Variants in TMPRSS12 observed in about 807,000 individuals in gnomAD.
The protein encoded by TMPRSS12 is transmembrane protease serine 12.
Under a neutral mutation model 26.0 loss-of-function variants are expected in TMPRSS12, and 25 were observed. That is an observed-to-expected ratio of 0.96 (90% confidence interval 0.70 to 1.34). TMPRSS12 has a LOEUF of 1.34. Among genes scored for constraint, TMPRSS12 ranks in the 40% most tolerant of loss-of-function variants. TMPRSS12 has a pLI of 0.00. For synonymous variants in TMPRSS12, 150 were observed against 161.7 expected (o/e 0.93, Z 0.55); for missense variants, 441 against 440.1 (o/e 1.00, Z -0.02).
intron 2 of TMPRSS12, among the ~76,000 whole-genome samples, chr12:50,847,057 CTTT>C (rs547352999): frequency 1.8e-5 from 2 of 109,920 alleles, no homozygotes; most frequent in Admixed American, 1.1e-4. Flanking sequence ...AGTCTAAAAA[CTTT>C]TTTTTTTTTT....
chr12:50,882,885 A>C (rs912560367), intron 3 of TMPRSS12, among the ~76,000 whole-genome samples: 3 of 152,244 alleles, frequency 2.0e-5, no homozygotes, highest in African/African-American at 7.2e-5. Flanking sequence ...ATACAAAAGG[A>C]AGGAATATAC....
intron 3 of TMPRSS12, among the ~76,000 whole-genome samples, chr12:50,873,711 G>T (rs1026403656): frequency 6.6e-6 from 1 of 152,112 alleles, no homozygotes; most frequent in East Asian, 1.9e-4. Context: ...CTGGGCAAGC[G>T]GATAAGTTTG....
intron 3 of TMPRSS12, among the ~76,000 whole-genome samples, chr12:50,865,068 A>G (rs1230163482): frequency 6.6e-6 from 1 of 152,152 alleles, no homozygotes; most frequent in Non-Finnish European, 1.5e-5. Flanking sequence ...GCGGTGGCCC[A>G]TGCCTGTAAT....
chr12:50,855,814 A>G (rs1296527894), intron 2 of TMPRSS12, among the ~76,000 whole-genome samples: 1 of 152,230 alleles, frequency 6.6e-6, no homozygotes, highest in African/African-American at 2.4e-5. Flanking sequence ...CTAGATGCTC[A>G]TCAATGATGG....
At chr12:50,856,287 C>T (rs1937876906) in intron 2 of TMPRSS12, among the ~76,000 whole-genome samples, 1 of 152,182 alleles carries the variant, frequency 6.6e-6, no homozygotes, top group African/African-American at 2.4e-5. Context: ...GCTCCTGTTC[C>T]CCTTTCCCCT....
intron 3 of TMPRSS12, among the ~76,000 whole-genome samples, chr12:50,870,433 A>G (rs1101403): frequency 0.34 from 51,670 of 151,938 alleles, 9,070 homozygotes; most frequent in Admixed American, 0.42. Flanking sequence ...AGCAAAATCA[A>G]CATACAAGGG....
At position 50,864,899 on chromosome 12, in the gene TMPRSS12, T is replaced by C. The variant is rs1037927878; in HGVS notation, c.652+5846T>C. ...TGGTCTCGATCTCCTGACCTCGTGA[T>C]CCACCCACCTCGGCCTCCTAAAGTG... On this transcript the variant is annotated intron_variant, in intron 3 of 4. Coordinates refer to ENST00000398458, the MANE Select transcript of TMPRSS12 (RefSeq NM_182559.3). 2.6e-5 allele frequency among the ~76,000 whole-genome samples: 4 copies of C among 152,096 alleles called. No homozygotes were observed. The East Asian group carries it at 5.8e-4, about 22-fold the overall frequency.
At chr12:50,863,938 T>C (rs556889186) in intron 3 of TMPRSS12, among the ~76,000 whole-genome samples, 6 of 152,334 alleles carry the variant, frequency 3.9e-5, no homozygotes, top group African/African-American at 1.4e-4. Context: ...TACACTTGAC[T>C]TTTTAGTGCT....
At chr12:50,856,072 G>T (rs758898287) in intron 2 of TMPRSS12, among the ~76,000 whole-genome samples, 1 of 152,064 alleles carries the variant, frequency 6.6e-6, no homozygotes, top group African/African-American at 2.4e-5. Context: ...GTGGAGAAGT[G>T]GATTGAAAAA....
At chr12:50,875,597 G>A (rs1220592035) in intron 3 of TMPRSS12, among the ~76,000 whole-genome samples, 1 of 150,222 alleles carries the variant, frequency 6.7e-6, no homozygotes, top group Admixed American at 6.6e-5. Context: ...GAACAGAATA[G>A]ACATCCCAGA....
chr12:50,857,817 CGT>C (rs1937894912), intron 2 of TMPRSS12, among the ~76,000 whole-genome samples: 1 of 96,744 alleles, frequency 1.0e-5, no homozygotes, highest in Non-Finnish European at 2.2e-5. Flanking sequence ...TCGTTGTTGT[CGT>C]TGTTGTTGTT....
chr12:50,877,604 A>G (rs1253964301), intron 3 of TMPRSS12, among the ~76,000 whole-genome samples: 2 of 152,274 alleles, frequency 1.3e-5, no homozygotes, highest in Middle Eastern at 3.4e-3. Flanking sequence ...GCGTTTATTT[A>G]TTTATTTTTA....
chr12:50,857,379 A>G (rs1206752849), intron 2 of TMPRSS12, among the ~76,000 whole-genome samples: 6 of 152,224 alleles, frequency 3.9e-5, no homozygotes, highest in African/African-American at 7.2e-5. Context: ...CTATTGATAC[A>G]CGTTGCCAAA....
At chr12:50,874,308 AATC>A (rs1459786044) in intron 3 of TMPRSS12, among the ~76,000 whole-genome samples, 3 of 152,192 alleles carry the variant, frequency 2.0e-5, no homozygotes, top group African/African-American at 4.8e-5. Context: ...AAGACTCAAA[AATC>A]ATCAACAAAA....
rs985760448 is a variant in TMPRSS12, at chr12:50,844,605, C to A, written c.383+568C>A. On this transcript the variant is annotated intron_variant, in intron 2 of 4. Transcript: ENST00000398458. ...GGCCAGGCTGGTCTTGAACTCTTAA[C>A]CTCACGTGATCTGCCCGCCTCAGCC... Among the ~76,000 whole-genome samples the A allele has an allele frequency of 2.6e-5, 4 of 152,078 alleles. No individual in the cohort carries two copies. In the South Asian group the frequency reaches 8.3e-4, roughly 32 times the overall value.
intron 2 of TMPRSS12, among the ~76,000 whole-genome samples, chr12:50,858,268 C>T (rs1937900647): frequency 6.6e-6 from 1 of 152,180 alleles, no homozygotes. Flanking sequence ...ACCTAGCTTC[C>T]CGTTATCAAC....
chr12:50,843,294 G>T, intron 1 of TMPRSS12, 143 bp downstream of exon 1: 1 of 739,196 alleles, frequency 1.4e-6, no homozygotes, highest in South Asian at 2.4e-5. Context: ...TTCTAGACCG[G>T]CTGTAATAAC....
At chr12:50,874,440 C>T (rs1938094616) in intron 3 of TMPRSS12, among the ~76,000 whole-genome samples, 2 of 151,840 alleles carry the variant, frequency 1.3e-5, no homozygotes, top group Non-Finnish European at 2.9e-5. Context: ...AAAATAAAGC[C>T]TATATTAATA....
intron 2 of TMPRSS12, chr12:50,848,057 G>C (rs1041694284): frequency 2.0e-5 from 3 of 151,926 alleles, no homozygotes; most frequent in African/African-American, 7.3e-5. Context: ...CTGGAAGACA[G>C]GCTTGTCCTT....
Sources: gnomAD v4.1 joint callset for allele counts (sites outside exome capture counted in the v4.1 genomes callset) on GRCh38, gnomAD v4.1.1 for gene constraint, MANE v1.5 for transcripts, NCBI Gene and HGNC (gene_info 2026-07-23, HGNC 2026-07-21) for gene names.